Variants in STIM1 observed in about 807,000 individuals in gnomAD.
STIM1 encodes stromal interaction molecule 1.
A neutral mutation model predicts 74.7 loss-of-function variants in STIM1; 25 were observed. The ratio of observed to expected loss-of-function variants is 0.33; its 90% CI spans 0.24 to 0.47. The LOEUF (loss-of-function observed/expected upper bound fraction) is 0.47, where lower values mean the gene tolerates loss of function less well. Ranked by LOEUF, STIM1 falls within the 20% of genes least tolerant of loss-of-function variation. STIM1 has a pLI of 1.00. For synonymous variants in STIM1, 328 were observed against 348.8 expected (o/e 0.94, Z 0.66); for missense variants, 728 against 920.8 (o/e 0.79, Z 2.71).
At chr11:3,894,134 A>T (rs981222089) in intron 1 of STIM1, among the ~76,000 whole-genome samples, 1 of 152,212 alleles carries the variant, frequency 6.6e-6, no homozygotes, top group Non-Finnish European at 1.5e-5. Context: ...TGGAAACTAT[A>T]GTATTGTAGC....
intron 3 of STIM1, among the ~76,000 whole-genome samples, chr11:4,039,941 G>A (rs1336636563): frequency 4.0e-5 from 6 of 151,778 alleles, no homozygotes; most frequent in African/African-American, 1.5e-4. Context: ...CTAATTTTTT[G>A]TATTTTTAGT....
chr11:3,934,414 G>A (rs899460762), intron 1 of STIM1, among the ~76,000 whole-genome samples: 4 of 152,106 alleles, frequency 2.6e-5, no homozygotes, highest in Admixed American at 2.6e-4. Flanking sequence ...GGCCCAGTTT[G>A]ATCTCTTCTC....
intron 1 of STIM1, 144 bp downstream of exon 1, chr11:3,856,553 A>G: frequency 9.5e-7 from 1 of 1,055,622 alleles, no homozygotes. Flanking sequence ...AAGTAGTTCA[A>G]GAAGTTCTTT....
chr11:3,983,041 C>CA (rs1207911305), intron 2 of STIM1, among the ~76,000 whole-genome samples: 4 of 152,208 alleles, frequency 2.6e-5, no homozygotes, highest in Non-Finnish European at 5.9e-5. Context: ...AAGTGATTCT[C>CA]ATGCCTCAGC....
intron 1 of STIM1, among the ~76,000 whole-genome samples, chr11:3,907,208 T>C (rs1342470674): frequency 6.6e-6 from 1 of 152,068 alleles, no homozygotes; most frequent in Non-Finnish European, 1.5e-5. Flanking sequence ...CAAAACGGGG[T>C]TATAATGGCA....
chr11:3,878,805 A>G (rs977087861), intron 1 of STIM1, among the ~76,000 whole-genome samples: 1 of 152,180 alleles, frequency 6.6e-6, no homozygotes, highest in Non-Finnish European at 1.5e-5. Flanking sequence ...TGTTAGCTGC[A>G]GTGGGTTCCT....
At chr11:4,027,266 CAGGAAATCCAGCAGCA>C (rs2094005070) in intron 3 of STIM1, among the ~76,000 whole-genome samples, 1 of 152,120 alleles carries the variant, frequency 6.6e-6, no homozygotes, top group African/African-American at 2.4e-5. Flanking sequence ...AGGGCCACTC[CAGGAAATCCAGCAGCA>C]GAGACTAGGG....
chr11:3,891,534 C>T (rs752184326), intron 1 of STIM1, among the ~76,000 whole-genome samples: 30 of 152,234 alleles, frequency 2.0e-4, no homozygotes, highest in Non-Finnish European at 4.0e-4. Flanking sequence ...ATCTTCTCAC[C>T]TCAGCCACCC....
At chr11:3,999,963 C>A (rs2093697622) in intron 2 of STIM1, among the ~76,000 whole-genome samples, 1 of 152,142 alleles carries the variant, frequency 6.6e-6, no homozygotes, top group South Asian at 2.1e-4. Flanking sequence ...GTCCTACGCC[C>A]ATGGAGTCTT....
chr11:4,057,362 G>A (rs2094297859), intron 4 of STIM1, among the ~76,000 whole-genome samples: 1 of 152,226 alleles, frequency 6.6e-6, no homozygotes, highest in Non-Finnish European at 1.5e-5. Context: ...GGGCACAGGT[G>A]TAGGGGATGT....
intron 1 of STIM1, among the ~76,000 whole-genome samples, chr11:3,895,861 C>A (rs1318910767): frequency 2.7e-5 from 3 of 109,178 alleles, no homozygotes; most frequent in Non-Finnish European, 3.6e-5. Context: ...CTTTCTCTCT[C>A]TCTCTCTTTC....
chr11:4,034,867 A>G (rs201163364), intron 3 of STIM1, among the ~76,000 whole-genome samples: 9 of 152,126 alleles, frequency 5.9e-5, no homozygotes, highest in South Asian at 4.2e-4. Flanking sequence ...AAATTTGTCT[A>G]TTTCACCTGT....
intron 1 of STIM1, among the ~76,000 whole-genome samples, chr11:3,913,957 T>A (rs574733174): frequency 6.6e-5 from 10 of 152,186 alleles, no homozygotes; most frequent in African/African-American, 2.4e-4. Flanking sequence ...TTTTTATTAT[T>A]TTTTTTGGTG....
At chr11:3,926,131 T>G (rs1007121391) in intron 1 of STIM1, among the ~76,000 whole-genome samples, 14 of 152,342 alleles carry the variant, frequency 9.2e-5, no homozygotes, top group African/African-American at 3.1e-4. Flanking sequence ...ATTCATTTAT[T>G]TATTTGCAAA....
chr11:4,034,308 C>T (rs2132945312), intron 3 of STIM1, among the ~76,000 whole-genome samples: 1 of 152,128 alleles, frequency 6.6e-6, no homozygotes, highest in East Asian at 1.9e-4. Flanking sequence ...TAGTGCCTCT[C>T]TACTCCTAGT....
intron 2 of STIM1, among the ~76,000 whole-genome samples, chr11:3,991,226 A>G (rs888970568): frequency 2.2e-5 from 3 of 139,342 alleles, no homozygotes; most frequent in Non-Finnish European, 3.0e-5. Context: ...ACTGGAGTGC[A>G]GTGGCATGAT....
At chr11:3,875,317 A>G (rs2091272986) in intron 1 of STIM1, among the ~76,000 whole-genome samples, 1 of 152,128 alleles carries the variant, frequency 6.6e-6, no homozygotes, top group African/African-American at 2.4e-5. Flanking sequence ...AAGTTGAATT[A>G]TTTTTCTCAC....
chr11:4,000,305 C>T (rs1291531409), intron 2 of STIM1, among the ~76,000 whole-genome samples: 1 of 149,808 alleles, frequency 6.7e-6, no homozygotes, highest in African/African-American at 2.4e-5. Context: ...CTGACCCCGA[C>T]CCCCGAGCAG....
chr11:3,990,062 C>A (rs1045884510), intron 2 of STIM1, among the ~76,000 whole-genome samples: 1 of 152,198 alleles, frequency 6.6e-6, no homozygotes, highest in African/African-American at 2.4e-5. Context: ...CCACATTTCC[C>A]CCAGCCCTAA....
Sources: allele counts gnomAD v4.1 joint callset (sites outside exome capture counted in the v4.1 genomes callset), GRCh38; gene constraint gnomAD v4.1.1; transcripts MANE v1.5; gene names NCBI Gene and HGNC (gene_info 2026-07-23, HGNC 2026-07-21).